Variants in STRN4 observed in about 807,000 individuals in gnomAD.
STRN4 encodes striatin-4.
Under a neutral mutation model 77.9 loss-of-function variants are expected in STRN4, and 27 were observed. That is an observed-to-expected ratio of 0.35 (90% CI 0.26 to 0.48). The LOEUF is 0.48. Among genes scored for constraint, STRN4 ranks in the 20% least tolerant of loss-of-function variants. STRN4 has a pLI of 0.99. For synonymous variants in STRN4, 466 were observed against 443.1 expected (o/e 1.05, Z -0.65); for missense variants, 798 against 1,049.7 (o/e 0.76, Z 3.31).
chr19:46,724,249 CAAA>C (rs71970589), intron 12 of STRN4, among the ~76,000 whole-genome samples: 33 of 87,180 alleles, frequency 3.8e-4, no homozygotes, highest in East Asian at 1.9e-3. Context: ...CTCTTTGTCT[CAAA>C]AAAAAAAAAA....
rs2054617825 is a variant in STRN4 at position 46,746,385 on chromosome 19, A to AGGAGGC, written c.40_45dup (p.Ala14_Ser15dup). On this transcript the variant is annotated inframe_insertion, in exon 1 of 18. Transcript: ENST00000263280. ...GCGCCTGAGCCGAGCGGACGGCAGG[A>AGGAGGC]GGAGGCGGCGGCGGCGACCGCGGCG... is the stretch of plus-strand genomic sequence containing the variant. 2 of 1,087,200 alleles carry AGGAGGC rather than the reference A, an allele frequency of 1.8e-6. No homozygotes were observed. Among genetic ancestry groups the AGGAGGC allele is most frequent in the South Asian group, 8.8e-5 (2 of 22,686 alleles). The allele number at this position is 1,087,200 out of a possible 1,614,324, so 67.3% of individuals were successfully genotyped here. A position where few individuals can be genotyped will look rare whatever the true frequency, so the allele number is the denominator to read the frequency against.
chr19:46,735,905 A>C (rs1285296096), intron 4 of STRN4, among the ~76,000 whole-genome samples: 1 of 151,758 alleles, frequency 6.6e-6, no homozygotes, highest in Non-Finnish European at 1.5e-5. Context: ...CAGAGGTTGC[A>C]GTGAGCCGAG....
At chr19:46,721,843 A>G (rs1408669420) in intron 16 of STRN4, 143 bp downstream of exon 16, 6 of 805,566 alleles carry the variant, frequency 7.4e-6, no homozygotes, top group East Asian at 5.1e-5. Context: ...GCTGCCCCCT[A>G]TGGTCACCAC....
Position 46,736,881 on chromosome 19 carries a change from A to G in STRN4, c.481T>C (p.Ser161Pro). The change falls in exon 4 of 18, where the codon TCG becomes CCG. Residue 161 changes from serine (S) to proline (P), a missense_variant. Around this residue, in one of 2 missense-constraint regions of STRN4, gnomAD observed 511 missense variants for 575.9 expected, o/e 0.89. Coordinates refer to ENST00000263280, the MANE Select transcript of STRN4 (RefSeq NM_013403.3). ...SEQVSNGPVE[S>P]VTLENSPLVW... ...AACGGGCTGTTCTCCAGGGTGACCG[A>G]TTCCACGGGGCCATTGGAGACTGGC... 1 of 1,612,694 alleles carries G rather than the reference A, an allele frequency of 6.2e-7. No homozygotes were observed. Among genetic ancestry groups the G allele is most frequent in the Middle Eastern group, 1.7e-4 (1 of 6,060 alleles).
Position 46,728,599 on chromosome 19 carries a change from C to G in STRN4, c.1039+19G>C. ...GGTGGGGAAGGCAAGCGGGGGCTGG[C>G]CAGAAAACGTCAGCTCACCCAGCTC... On this transcript the variant is annotated intron_variant, in intron 7 of 17. Transcript: ENST00000263280. The G allele has an allele frequency of 6.2e-7, 1 of 1,606,934 alleles. No individual in the cohort carries two copies. The highest frequency in any genetic ancestry group is 8.5e-7 in the Non-Finnish European group (1 of 1,176,142).
At chr19:46,728,545 C>G in intron 7 of STRN4, 73 bp downstream of exon 7, 3 of 1,536,208 alleles carry the variant, frequency 2.0e-6, no homozygotes, top group Non-Finnish European at 2.6e-6. Flanking sequence ...GAAGCAGCTG[C>G]GGGCAGCTGA....
rs142260168 is a variant in STRN4, at chr19:46,730,783, G to T, written c.828C>A (p.Ser276Arg). Residue 276 changes from serine (S) to arginine (R), a missense_variant, in exon 6 of 18, where the codon AGC (serine) becomes AGA (arginine). Physicochemically the swap from Ser to Arg is moderately radical, Grantham distance 110. Transcript: ENST00000263280. The part of the protein sequence containing the change: ...PFLQNCEDED[S>R]DEDDELDSVQ... ...CGCTGTCCAGCTCATCGTCCTCGTC[G>T]CTGTCTTCGTCCTCGCAGTTCTGCA... 1 of 1,612,848 alleles carries T rather than the reference G, an allele frequency of 6.2e-7. No homozygotes were observed. The highest frequency in any genetic ancestry group is 8.5e-7 in the Non-Finnish European group (1 of 1,180,004).
chr19:46,722,227 G>A lies in STRN4; in HGVS notation c.2005+15C>T, dbSNP rs1461321070. On this transcript the variant is annotated intron_variant, in intron 15 of 17. Transcript: ENST00000263280. ...CCCTCCCCACCCACTACGAGCACAA[G>A]GGGCTAGGCCTCACCTGTCCGATTG... 3 of 1,613,442 alleles carry A rather than the reference G, an allele frequency of 1.9e-6. No homozygotes were observed. The highest frequency in any genetic ancestry group is 1.1e-5 in the South Asian group (1 of 91,068).
At chr19:46,725,708 C>G in intron 9 of STRN4, 60 bp from the exon 10 acceptor site, 1 of 1,576,530 alleles carries the variant, frequency 6.3e-7, no homozygotes, top group Non-Finnish European at 8.6e-7. Context: ...CATGCAGACA[C>G]CGACACCCAG....
chr19:46,728,877 TTC>T (rs892339614), intron 6 of STRN4, 100 bp from the exon 7 acceptor site: 89 of 1,518,604 alleles, frequency 5.9e-5, no homozygotes, highest in Non-Finnish European at 7.4e-5. Flanking sequence ...CTGGGCCCGT[TTC>T]TGTTCATGGG....
rs377741229 is a variant in STRN4, at chr19:46,722,098, G to T, written c.2006-26C>A. ...CTGAGGCGAGAAGGGCGGGTGGCAG[G>T]TTCCCCTCCCACTCTGGGCCTCGCC... On this transcript the variant is annotated intron_variant, in intron 15 of 17. Coordinates refer to ENST00000263280, the MANE Select transcript of STRN4 (RefSeq NM_013403.3). The T allele has an allele frequency of 2.5e-5, 40 of 1,611,516 alleles. 1 individual carries two copies. In the African/African-American group the frequency reaches 3.6e-4, roughly 15 times the overall value.
intron 8 of STRN4, 96 bp from the exon 9 acceptor site, chr19:46,727,642 A>C (rs2054149982): frequency 1.9e-6 from 2 of 1,044,916 alleles, no homozygotes; most frequent in East Asian, 5.1e-5. Context: ...AGAGAAAGAG[A>C]TAAAGAGCAA....
At chr19:46,737,036 G>T in intron 3 of STRN4, 135 bp from the exon 4 acceptor site, 1 of 721,584 alleles carries the variant, frequency 1.4e-6, no homozygotes, top group South Asian at 1.9e-5. Flanking sequence ...CTGAGTGTTG[G>T]AACCCTGCTC....
rs953095047 is a variant in STRN4, at chr19:46,723,642, G to T, written c.1595-358C>A. On this transcript the variant is annotated intron_variant, in intron 12 of 17. Transcript: ENST00000263280. The surrounding 1 kb of genome is among the most constrained non-coding windows in gnomAD (Gnocchi z 5.5). Reference sequence around the variant, plus strand: ...TGGCCCCAGGAGCGGCACGCAGCCTGTGCTGGACAAGGGTTGGTCCCAACC... The same window carrying T: ...TGGCCCCAGGAGCGGCACGCAGCCTTTGCTGGACAAGGGTTGGTCCCAACC... Among the ~76,000 whole-genome samples, 5 of 152,210 alleles carry T rather than the reference G, an allele frequency of 3.3e-5. No individual in the cohort carries two copies. The highest frequency in any genetic ancestry group is 1.2e-4 in the African/African-American group (5 of 41,464).
intron 1 of STRN4, among the ~76,000 whole-genome samples, chr19:46,742,687 C>A (rs925835822): frequency 2.0e-5 from 3 of 152,104 alleles, no homozygotes; most frequent in African/African-American, 7.2e-5. Context: ...CTCAGCCTCC[C>A]GAGTAGCTGG....
chr19:46,742,797 G>A (rs565419754), intron 1 of STRN4, among the ~76,000 whole-genome samples: 5 of 152,314 alleles, frequency 3.3e-5, no homozygotes, highest in African/African-American at 1.2e-4. Context: ...TCCAGACCTT[G>A]TGATCCACCT....
At position 46,738,103 on chromosome 19, in the gene STRN4, C is replaced by G; in HGVS notation, c.460+61G>C. ...AAAGAGGCACCCCATCTTCCTGCTT[C>G]TCCAGAACACTCAGCTTCTGCGGGA... On this transcript the variant is annotated intron_variant, in intron 3 of 17. Coordinates refer to ENST00000263280, the MANE Select transcript of STRN4 (RefSeq NM_013403.3). The surrounding 1 kb of genome is among the most constrained non-coding windows in gnomAD (Gnocchi z 4.5). 1 of 1,540,256 alleles carries G rather than the reference C, an allele frequency of 6.5e-7. No homozygotes were observed. Among genetic ancestry groups the G allele is most frequent in the Non-Finnish European group, 9.0e-7 (1 of 1,112,694 alleles).
chr19:46,732,317 C>T (rs1315261727), intron 5 of STRN4: 1 of 152,586 alleles, frequency 6.6e-6, no homozygotes, highest in Non-Finnish European at 1.5e-5. Context: ...AAAGCACTGG[C>T]TTCCCACAAC....
Position 46,720,660 on chromosome 19 carries a change from G to C in STRN4, c.2204C>G (p.Pro735Arg). 6.2e-7 allele frequency: 1 copy of C among 1,610,096 alleles called. No individual in the cohort carries two copies. The highest frequency in any genetic ancestry group is 2.2e-5 in the East Asian group (1 of 44,738). ...EEAIHAVACHPSKALIASAGA... is the reference protein window; with the variant it reads ...EEAIHAVACHRSKALIASAGA... ...AGCACTGGCAATGAGGGCCTTGCTG[G>C]GGTGGCAGGCAACAGCGTGGATGGC... The change falls in exon 17 of 18, where the codon CCC becomes CGC. Residue 735 changes from proline (P) to arginine (R), a missense_variant. Pro to Arg is a moderately radical substitution (Grantham distance 103, BLOSUM62 -2). This residue lies in a region of STRN4 where 287 missense variants were observed against 473.8 expected (regional missense o/e 0.61). Coordinates refer to ENST00000263280, the MANE Select transcript of STRN4 (RefSeq NM_013403.3).
Sources: gnomAD v4.1 joint callset for allele counts (sites outside exome capture counted in the v4.1 genomes callset) on GRCh38, gnomAD v4.1.1 for gene constraint, gnomAD v4.1.1 regional missense constraint, Gnocchi (gnomAD v3.1) non-coding constraint, MANE v1.5 for transcripts, NCBI Gene and HGNC (gene_info 2026-07-23, HGNC 2026-07-21) for gene names.